The following MTUS2 variants were observed in gnomAD, a reference collection of about 807,000 sequenced individuals.
MTUS2 encodes the protein microtubule-associated tumor suppressor candidate 2.
MTUS2 carries 40 observed loss-of-function variants against 114.1 expected under a neutral mutation model. The observed-to-expected ratio is 0.35, with a 90% CI of 0.27 to 0.46. MTUS2 has a LOEUF of 0.46. Among genes scored for constraint, MTUS2 ranks in the 20% least tolerant of loss-of-function variants. The pLI, the probability that MTUS2 is intolerant of heterozygous loss-of-function variation, is 1.00. For synonymous variants in MTUS2, 688 were observed against 672.0 expected (o/e 1.02, Z -0.37); for missense variants, 1,679 against 1,705.4 (o/e 0.98, Z 0.27).
intron 8 of MTUS2, among the ~76,000 whole-genome samples, chr13:29,363,670 G>A (rs1036047349): frequency 6.6e-5 from 10 of 152,096 alleles, no homozygotes; most frequent in African/African-American, 9.7e-5. Context: ...TTGTTAGTTA[G>A]GGGTATGTAT....
At chr13:29,078,281 T>C (rs1489860691) in intron 4 of MTUS2, among the ~76,000 whole-genome samples, 2 of 152,200 alleles carry the variant, frequency 1.3e-5, no homozygotes, top group African/African-American at 4.8e-5. Context: ...AGAAGAGTCT[T>C]TGATCTGCCA....
In MTUS2 at chr13:29,216,606, A is replaced by G. The variant is rs116633851; in HGVS notation, c.2645-65098A>G. The stretch of plus-strand genomic sequence containing the variant: ...GAGTCCCTTATGGCTTCCCTTGGCT[A>G]TGGGAGGGAGGTCCCCAGCCCCTTG... On this transcript the variant is annotated intron_variant, in intron 5 of 15. Coordinates refer to ENST00000612955, the MANE Select transcript of MTUS2 (RefSeq NM_001033602.4). 9.6e-3 allele frequency among the ~76,000 whole-genome samples: 1,469 copies of G among 152,242 alleles called. 12 individuals are homozygous for G. Among genetic ancestry groups the G allele is most frequent in the African/African-American group, 0.026 (1,067 of 41,536 alleles).
At chr13:29,004,171 C>T (rs994910722) in intron 2 of MTUS2, among the ~76,000 whole-genome samples, 1 of 151,458 alleles carries the variant, frequency 6.6e-6, no homozygotes, top group African/African-American at 2.4e-5. Flanking sequence ...GTCTGCAACT[C>T]AGAAAGGATA....
At position 29,358,583 on chromosome 13, in the gene MTUS2, G is replaced by A. The variant is rs531958317; in HGVS notation, c.2906-679G>A. ...GTGCAAAGGTCATTCTGGCTGTGGC[G>A]TAGTGAAGGAAGAGAGGAAGCAGGG... On this transcript the variant is annotated intron_variant, in intron 7 of 15. Coordinates refer to ENST00000612955, the MANE Select transcript of MTUS2 (RefSeq NM_001033602.4). Among the ~76,000 whole-genome samples, 7 of 152,340 alleles carry A rather than the reference G, an allele frequency of 4.6e-5. No homozygotes were observed. The East Asian group carries it at 5.8e-4, about 13-fold the overall frequency.
rs752848300 is a variant in MTUS2, at chr13:29,359,291, C to A, written c.2935C>A (p.Arg979=). The change falls in exon 8 of 16, where the codon CGA becomes AGA. Residue 979 remains arginine (R), a synonymous_variant. Coordinates refer to ENST00000612955, the MANE Select transcript of MTUS2 (RefSeq NM_001033602.4). ...GYPKQRTAAA[R]NGFPPKPDPQ... The stretch of plus-strand genomic sequence containing the variant: ...CCCAAAGCAGAGGACTGCGGCAGCT[C>A]GAAATGGGTTTCCGCCCAAGCCGGA... The A allele has an allele frequency of 3.1e-6, 5 of 1,605,484 alleles. No individual in the cohort carries two copies. The highest frequency in any genetic ancestry group is 4.3e-6 in the Non-Finnish European group (5 of 1,176,340).
chr13:28,911,946 G>A (rs1251198054), intron 2 of MTUS2, among the ~76,000 whole-genome samples: 4 of 144,572 alleles, frequency 2.8e-5, no homozygotes, highest in Non-Finnish European at 6.0e-5. Context: ...CTTCTATTCT[G>A]TAGGTTGTCT....
intron 2 of MTUS2, among the ~76,000 whole-genome samples, chr13:28,873,832 T>C (rs1391124472): frequency 6.6e-6 from 1 of 152,214 alleles, no homozygotes; most frequent in African/African-American, 2.4e-5. Flanking sequence ...AAAGAGGCTT[T>C]TGGGAAAATT....
chr13:29,368,228 G>A (rs1414132782), intron 8 of MTUS2, among the ~76,000 whole-genome samples: 1 of 151,552 alleles, frequency 6.6e-6, no homozygotes, highest in Non-Finnish European at 1.5e-5. Context: ...GTGAGCCACT[G>A]CACCCAGCCC....
intron 2 of MTUS2, among the ~76,000 whole-genome samples, chr13:28,933,642 C>CT (rs759998023): frequency 1.3e-5 from 2 of 152,190 alleles, no homozygotes; most frequent in Non-Finnish European, 2.9e-5. Context: ...ATGATATAGA[C>CT]TTTGCCCTTG....
intron 8 of MTUS2, among the ~76,000 whole-genome samples, chr13:29,398,060 T>C (rs1350485504): frequency 1.3e-5 from 2 of 152,370 alleles, no homozygotes; most frequent in Admixed American, 6.5e-5. Context: ...CCATCTGTTT[T>C]ATGTTGGTAT....
chr13:29,494,812 G>A (rs891453010), intron 12 of MTUS2, among the ~76,000 whole-genome samples: 1 of 152,080 alleles, frequency 6.6e-6, no homozygotes, highest in African/African-American at 2.4e-5. Flanking sequence ...GTCGAGGGGG[G>A]CAGATCACCT....
intron 6 of MTUS2, among the ~76,000 whole-genome samples, chr13:29,309,365 G>A (rs755642515): frequency 7.2e-5 from 11 of 152,102 alleles, no homozygotes; most frequent in Non-Finnish European, 1.2e-4. Context: ...TCACTTATAA[G>A]TAGGTGCTGA....
intron 6 of MTUS2, among the ~76,000 whole-genome samples, chr13:29,306,157 T>C (rs962276958): frequency 1.3e-5 from 2 of 152,152 alleles, no homozygotes; most frequent in African/African-American, 2.4e-5. Context: ...AAGAACCATA[T>C]ATGACAAATG....
chr13:29,188,103 G>C (rs1256949116), intron 5 of MTUS2, among the ~76,000 whole-genome samples: 1 of 152,122 alleles, frequency 6.6e-6, no homozygotes, highest in Non-Finnish European at 1.5e-5. Context: ...GGGCTGTTAG[G>C]GATCAGGAAT....
intron 2 of MTUS2, among the ~76,000 whole-genome samples, chr13:28,904,101 G>A (rs1251484570): frequency 6.6e-6 from 1 of 152,124 alleles, no homozygotes; most frequent in Non-Finnish European, 1.5e-5. Context: ...ACTTGTTGAT[G>A]GGGTTGTTTG....
intron 5 of MTUS2, among the ~76,000 whole-genome samples, chr13:29,124,181 G>C (rs959462671): frequency 6.6e-6 from 1 of 152,162 alleles, no homozygotes; most frequent in Non-Finnish European, 1.5e-5. Flanking sequence ...GCATGTTGTT[G>C]CCTGTTTGAA....
chr13:29,351,522 T>A (rs1869266551), intron 7 of MTUS2, among the ~76,000 whole-genome samples: 1 of 152,202 alleles, frequency 6.6e-6, no homozygotes, highest in African/African-American at 2.4e-5. Context: ...GTTCCCGTGC[T>A]TACAAATAAC....
At chr13:29,114,430 A>C (rs1468017038) in intron 5 of MTUS2, among the ~76,000 whole-genome samples, 1 of 152,214 alleles carries the variant, frequency 6.6e-6, no homozygotes, top group Admixed American at 6.5e-5. Context: ...ATCCATCCTC[A>C]TATGTAAGAG....
intron 5 of MTUS2, among the ~76,000 whole-genome samples, chr13:29,180,728 T>G (rs1364980694): frequency 2.0e-5 from 3 of 152,198 alleles, no homozygotes; most frequent in Non-Finnish European, 4.4e-5. Context: ...GGTTCAGTCA[T>G]TAATGAACAG....
Sources: allele counts gnomAD v4.1 joint callset (sites outside exome capture counted in the v4.1 genomes callset), GRCh38; gene constraint gnomAD v4.1.1; transcripts MANE v1.5; gene names NCBI Gene and HGNC (gene_info 2026-07-23, HGNC 2026-07-21).